The following RAB3IP variants were observed in gnomAD, a reference collection of about 807,000 sequenced individuals.
RAB3IP encodes rab-3A-interacting protein.
In RAB3IP, 36 loss-of-function variants were observed where a neutral mutation model predicts 59.1. That is an observed-to-expected ratio of 0.61 (90% CI 0.47 to 0.80). The LOEUF (loss-of-function observed/expected upper bound fraction) is 0.80, where lower values mean the gene tolerates loss of function less well. Among genes scored for constraint, RAB3IP ranks in the 30% least tolerant of loss-of-function variants. The pLI is 0.00. For missense variants in RAB3IP, 511 were observed against 536.0 expected (o/e 0.95, Z 0.46); for synonymous variants, 207 against 191.2 (o/e 1.08, Z -0.68).
Position 69,815,654 on chromosome 12 carries a change from G to T in RAB3IP, c.*208G>T. 1 of 362,378 alleles carries T rather than the reference G, an allele frequency of 2.8e-6. No homozygotes were observed. Among genetic ancestry groups the T allele is most frequent in the Non-Finnish European group, 4.9e-6 (1 of 202,628 alleles). 22.4% of individuals were successfully genotyped at this position (362,378 alleles called of 1,614,324 possible). A position where few individuals can be genotyped will look rare whatever the true frequency, so the allele number is the denominator to read the frequency against. On this transcript the variant is annotated 3_prime_UTR_variant, in exon 11 of 11. Transcript: ENST00000247833. Reference sequence around the variant, plus strand: ...GTTGAACACACTATGAAGAATTCCAGGTGTACTAGTGAATGTAATTTATAG... The same window carrying T: ...GTTGAACACACTATGAAGAATTCCATGTGTACTAGTGAATGTAATTTATAG...
intron 6 of RAB3IP, 50 bp from the exon 7 acceptor site, chr12:69,800,159 A>G (rs746608164): frequency 3.6e-6 from 5 of 1,408,426 alleles, no homozygotes; most frequent in Non-Finnish European, 4.7e-6. Flanking sequence ...AGCGGTTTTT[A>G]TGTTTATACG....
At chr12:69,814,569 C>CT (rs1321505459) in intron 10 of RAB3IP, among the ~76,000 whole-genome samples, 1 of 151,814 alleles carries the variant, frequency 6.6e-6, no homozygotes. Flanking sequence ...GCATCCCTAG[C>CT]TTTTACTCAT....
At chr12:69,790,416 CAGAT>C (rs1434612809) in intron 4 of RAB3IP, among the ~76,000 whole-genome samples, 2 of 148,558 alleles carry the variant, frequency 1.3e-5, no homozygotes, top group African/African-American at 2.6e-5. Flanking sequence ...AATTAAGACA[CAGAT>C]GGAAAGAGAT....
intron 8 of RAB3IP, chr12:69,812,555 G>A (rs1280218832): frequency 2.5e-5 from 11 of 444,496 alleles, no homozygotes; most frequent in Non-Finnish European, 4.4e-5. Context: ...TAGAATCATG[G>A]TTAATGTTAT....
intron 1 of RAB3IP, chr12:69,739,619 C>A (rs143387389): frequency 1.2e-3 from 738 of 595,372 alleles, no homozygotes; most frequent in Non-Finnish European, 1.8e-3. Context: ...TCGGTGAAAC[C>A]TGGTGGGAAA....
rs535587991 is a variant in RAB3IP, at chr12:69,821,362, A to C, written c.*5916A>C. Reference sequence around the variant, plus strand: ...AATGTAAGACGTAAAGACCATAATCAGGAAAATACGCATCATATTTGTTAT... The same window carrying C: ...AATGTAAGACGTAAAGACCATAATCCGGAAAATACGCATCATATTTGTTAT... On this transcript the variant is annotated 3_prime_UTR_variant, in exon 11 of 11. Transcript: ENST00000247833. 3.9e-5 allele frequency: 6 copies of C among 152,376 alleles called. No homozygotes were observed. The highest frequency in any genetic ancestry group is 1.2e-4 in the African/African-American group (5 of 41,586). 9.4% of individuals were successfully genotyped at this position (152,376 alleles called of 1,614,324 possible).
chr12:69,794,599 T>C, intron 5 of RAB3IP, 85 bp downstream of exon 5: 1 of 1,103,132 alleles, frequency 9.1e-7, no homozygotes, highest in South Asian at 1.6e-5. Context: ...GATTTTGTTC[T>C]GATCGTAAAG....
chr12:69,790,802 T>C (rs1333618326), intron 4 of RAB3IP, among the ~76,000 whole-genome samples: 1 of 152,204 alleles, frequency 6.6e-6, no homozygotes, highest in Non-Finnish European at 1.5e-5. Context: ...CAGGTTGGTC[T>C]TGAACTCCTG....
At chr12:69,760,241 G>A (rs188578007) in intron 3 of RAB3IP, among the ~76,000 whole-genome samples, 264 of 152,390 alleles carry the variant, frequency 1.7e-3, no homozygotes, top group African/African-American at 5.9e-3. Context: ...CCAGTCAGGC[G>A]TGGCGGCGTG....
rs2136298734 is a variant in RAB3IP, at chr12:69,818,550, G to A, written c.*3104G>A. 6.6e-6 allele frequency: 1 copy of A among 152,170 alleles called. No individual in the cohort carries two copies. Among genetic ancestry groups the A allele is most frequent in the Admixed American group, 6.5e-5 (1 of 15,270 alleles). 9.4% of individuals were successfully genotyped at this position (152,170 alleles called of 1,614,324 possible). On this transcript the variant is annotated 3_prime_UTR_variant, in exon 11 of 11. Transcript: ENST00000247833. ...TCCCCCAGATCACACATATAAGAAT[G>A]TTCTGGAATAAATTAAAATGTCTAT... is the stretch of plus-strand genomic sequence containing the variant.
chr12:69,795,329 A>G lies in RAB3IP; in HGVS notation c.873A>G (p.Val291=). ...HQDLSVIQPI[V]KDCKEADLSL... is the part of the protein sequence containing the mutation. Reference sequence around the variant, plus strand: ...ACCTCAGTGTGATACAGCCAATTGTAAAAGACTGCAAAGAGGTAACTCATC... The same window carrying G: ...ACCTCAGTGTGATACAGCCAATTGTGAAAGACTGCAAAGAGGTAACTCATC... The change falls in exon 6 of 11, where the codon GTA becomes GTG. Residue 291 remains valine (V), a synonymous_variant. Coordinates refer to ENST00000247833, the MANE Select transcript of RAB3IP (RefSeq NM_022456.5). 2 of 1,613,264 alleles carry G rather than the reference A, an allele frequency of 1.2e-6. No homozygotes were observed. Among genetic ancestry groups the G allele is most frequent in the Non-Finnish European group, 1.7e-6 (2 of 1,179,294 alleles).
At chr12:69,806,101 A>C (rs1425581608) in intron 8 of RAB3IP, among the ~76,000 whole-genome samples, 1 of 152,196 alleles carries the variant, frequency 6.6e-6, no homozygotes, top group Admixed American at 6.5e-5. Context: ...CCTCTGGTAG[A>C]ATTCGGCTGT....
chr12:69,739,672 G>C, intron 1 of RAB3IP: 1 of 662,376 alleles, frequency 1.5e-6, no homozygotes, highest in Non-Finnish European at 2.6e-6. Flanking sequence ...AGGCAGCTCC[G>C]TGCCGCCAGA....
intron 10 of RAB3IP, 87 bp from the exon 11 acceptor site, chr12:69,815,277 C>T: frequency 1.1e-6 from 1 of 937,648 alleles, no homozygotes; most frequent in Non-Finnish European, 1.7e-6. Flanking sequence ...GCACAATTGA[C>T]ATTTCAGCTA....
intron 3 of RAB3IP, among the ~76,000 whole-genome samples, chr12:69,781,344 A>G (rs1874673521): frequency 6.6e-6 from 1 of 152,096 alleles, no homozygotes; most frequent in South Asian, 2.1e-4. Context: ...AGAGTGGTAC[A>G]TTTCTTAAAA....
At chr12:69,745,781 T>A (rs913279147) in intron 1 of RAB3IP, among the ~76,000 whole-genome samples, 2 of 152,188 alleles carry the variant, frequency 1.3e-5, no homozygotes, top group Non-Finnish European at 2.9e-5. Flanking sequence ...TTCTTAGAGA[T>A]CCTTTGCTGT....
At chr12:69,793,524 C>T (rs1006356643) in intron 4 of RAB3IP, among the ~76,000 whole-genome samples, 1 of 152,076 alleles carries the variant, frequency 6.6e-6, no homozygotes, top group African/African-American at 2.4e-5. Context: ...TCTTAAATCT[C>T]GGGGCACTAT....
At chr12:69,741,035 A>G (rs746342574) in intron 1 of RAB3IP, among the ~76,000 whole-genome samples, 5 of 152,246 alleles carry the variant, frequency 3.3e-5, no homozygotes, top group Admixed American at 6.5e-5. Flanking sequence ...TGGAAATACT[A>G]TTAGGTTGAA....
chr12:69,753,142 A>G (rs1186279887), intron 1 of RAB3IP, among the ~76,000 whole-genome samples: 4 of 152,178 alleles, frequency 2.6e-5, no homozygotes, highest in Non-Finnish European at 5.9e-5. Flanking sequence ...TGGGTTGTCT[A>G]TATGCTGGAA....
Sources: allele counts gnomAD v4.1 joint callset (sites outside exome capture counted in the v4.1 genomes callset), GRCh38; gene constraint gnomAD v4.1.1; transcripts MANE v1.5; gene names NCBI Gene and HGNC (gene_info 2026-07-23, HGNC 2026-07-21).